The following WDR18 variants were observed in gnomAD, a reference collection of about 807,000 sequenced individuals.
WDR18 encodes WD repeat domain 18.
Under a neutral mutation model 49.6 loss-of-function variants are expected in WDR18, and 33 were observed. That is an observed-to-expected ratio of 0.67 (90% CI 0.50 to 0.89). WDR18 has a LOEUF of 0.89. Among genes scored for constraint, WDR18 ranks in the 40% least tolerant of loss-of-function variants. The pLI is 0.00. For synonymous variants in WDR18, 315 were observed against 263.6 expected (o/e 1.19, Z -1.89); for missense variants, 653 against 593.6 (o/e 1.10, Z -1.04).
chr19:993,871 C>T (rs564194274), intron 8 of WDR18, 149 bp from the exon 9 acceptor site: 2 of 859,152 alleles, frequency 2.3e-6, no homozygotes, highest in South Asian at 1.5e-5. Flanking sequence ...GAGGTGAACG[C>T]CCCCGTCTCA....
intron 1 of WDR18, among the ~76,000 whole-genome samples, 169 bp from the exon 2 acceptor site, chr19:985,696 G>A (rs915753458): frequency 6.6e-6 from 1 of 152,064 alleles, no homozygotes; most frequent in Non-Finnish European, 1.5e-5. Flanking sequence ...TTGCAGGGGC[G>A]AACACTTCCT....
Position 991,317 on chromosome 19 carries a change from G to C in WDR18, c.897G>C (p.Gln299His). 2.6e-6 allele frequency: 4 copies of C among 1,559,688 alleles called. No individual in the cohort carries two copies. The highest frequency in any genetic ancestry group is 3.4e-4 in the Middle Eastern group (2 of 5,968). ...HDETVRLWDV[Q>H]SKQCIRTVAL... ...AGACCGTGCGCCTCTGGGACGTGCA[G>C]AGCAAGCAGTGCATCCGGACGGTGG... The change falls in exon 7 of 10, where the codon CAG becomes CAC. Residue 299 changes from glutamine (Q) to histidine (H), a missense_variant. Transcript: ENST00000585809.
intron 8 of WDR18, among the ~76,000 whole-genome samples, chr19:992,738 G>C (rs1460221108): frequency 6.6e-6 from 1 of 152,194 alleles, no homozygotes; most frequent in African/African-American, 2.4e-5. Context: ...TGGCTGGGCT[G>C]GGCTGGGGTG....
intron 8 of WDR18, among the ~76,000 whole-genome samples, chr19:993,393 A>G (rs2038585786): frequency 6.6e-6 from 1 of 152,058 alleles, no homozygotes. Flanking sequence ...TAATGCCGCC[A>G]CCTTTCCCTA....
At chr19:984,112 C>G (rs1454983590), upstream of WDR18, among the ~76,000 whole-genome samples, 3 of 152,204 alleles carry the variant, frequency 2.0e-5, no homozygotes, top group South Asian at 2.1e-4. Flanking sequence ...ACTAACTGAT[C>G]GCCGGAGACC....
chr19:988,790 G>A (rs1018617981), intron 2 of WDR18, among the ~76,000 whole-genome samples: 12 of 152,104 alleles, frequency 7.9e-5, no homozygotes, highest in South Asian at 6.2e-4. Flanking sequence ...CACCACTGCC[G>A]CGTGGAGCCC....
intron 8 of WDR18, among the ~76,000 whole-genome samples, chr19:992,807 C>T (rs920724508): frequency 3.9e-5 from 6 of 152,242 alleles, no homozygotes; most frequent in Non-Finnish European, 5.9e-5. Context: ...CCTCACTCCC[C>T]GACCTTCGAT....
At chr19:984,304 T>C, upstream of WDR18, 2 of 1,489,136 alleles carry the variant, frequency 1.3e-6, no homozygotes, top group Non-Finnish European at 1.8e-6. Flanking sequence ...GGGGCAGTCG[T>C]CCGCGTCTCG....
At position 990,136 on chromosome 19, in the gene WDR18, G is replaced by T. The variant is rs963810723; in HGVS notation, c.456-87G>T. 2.8e-6 allele frequency: 4 copies of T among 1,452,156 alleles called. No individual in the cohort carries two copies. The African/African-American group carries it at 5.7e-5, about 21-fold the overall frequency. The allele number at this position is 1,452,156 out of a possible 1,614,324, so 90.0% of individuals were successfully genotyped here. A position where few individuals can be genotyped will look rare whatever the true frequency, so the allele number is the denominator to read the frequency against. The stretch of plus-strand genomic sequence containing the variant: ...AGGCCAGGCTGCTGAGTGGAGGCAG[G>T]TGTGTGCGTGAGGTGGGTGCTGGAG... On this transcript the variant is annotated intron_variant, in intron 3 of 9. Transcript: ENST00000585809.
rs2240150 is a variant in WDR18 at position 991,063 on chromosome 19, A to G, written c.742-18A>G. 4 of 1,602,026 alleles carry G rather than the reference A, an allele frequency of 2.5e-6. No homozygotes were observed. The highest frequency in any genetic ancestry group is 2.6e-6 in the Non-Finnish European group (3 of 1,173,808). ...AGGGCATCGGGCCTGCGGCTCACACACGTCTCGGCCTTCGCAGCCCGGACA... is the reference window on the plus strand; with the variant it reads ...AGGGCATCGGGCCTGCGGCTCACACGCGTCTCGGCCTTCGCAGCCCGGACA... On this transcript the variant is annotated intron_variant, in intron 5 of 9. Transcript: ENST00000585809.
In WDR18 at chr19:989,907, C is replaced by T. The variant is rs747332245; in HGVS notation, c.455+12C>T. ...TGGAGCCTCTGCAGGTAGCGCCTTGCGCACTCAGGCCTGCACCTGGAACTG... is the reference window on the plus strand; with the variant it reads ...TGGAGCCTCTGCAGGTAGCGCCTTGTGCACTCAGGCCTGCACCTGGAACTG... On this transcript the variant is annotated intron_variant, in intron 3 of 9. Transcript: ENST00000585809. 1.5e-5 allele frequency: 24 copies of T among 1,595,330 alleles called. No homozygotes were observed. Among genetic ancestry groups the T allele is most frequent in the East Asian group, 6.7e-5 (3 of 44,732 alleles).
At position 984,358 on chromosome 19, in the gene WDR18, C is replaced by T; in HGVS notation, c.5C>T (p.Ala2Val). M[A>V]APMEVAVCTD... ...CGGGGCGGTGGGGAAGGCAAGATGGCGGCGCCCATGGAGGTGGCCGTGTGT... is the reference window on the plus strand; with the variant it reads ...CGGGGCGGTGGGGAAGGCAAGATGGTGGCGCCCATGGAGGTGGCCGTGTGT... Residue 2 changes from alanine (A) to valine (V), a missense_variant, in exon 1 of 10, where the codon GCG becomes GTG. Transcript: ENST00000585809. 6.3e-7 allele frequency: 1 copy of T among 1,589,390 alleles called. No individual in the cohort carries two copies. Among genetic ancestry groups the T allele is most frequent in the Non-Finnish European group, 8.5e-7 (1 of 1,170,288 alleles).
At chr19:987,648 T>G (rs2038488068) in intron 2 of WDR18, among the ~76,000 whole-genome samples, 1 of 151,974 alleles carries the variant, frequency 6.6e-6, no homozygotes, top group Non-Finnish European at 1.5e-5. Context: ...GAGTCACCCC[T>G]AACAGTAGAC....
At chr19:993,369 G>A (rs2038585123) in intron 8 of WDR18, among the ~76,000 whole-genome samples, 1 of 152,208 alleles carries the variant, frequency 6.6e-6, no homozygotes, top group East Asian at 1.9e-4. Context: ...AGGGGGCCAG[G>A]CCATGCCCTC....
chr19:985,320 C>G (rs993637095), intron 1 of WDR18, among the ~76,000 whole-genome samples: 1 of 152,182 alleles, frequency 6.6e-6, no homozygotes, highest in African/African-American at 2.4e-5. Flanking sequence ...CCCGCACCAA[C>G]CACCACACCC....
Position 984,371 on chromosome 19 carries a change from G to T in WDR18, c.18G>T (p.Glu6Asp), listed in dbSNP as rs531751106. The T allele has an allele frequency of 1.5e-4, 240 of 1,595,444 alleles. 1 individual carries two copies. In the South Asian group the frequency reaches 2.6e-3, roughly 17 times the overall value. Residue 6 changes from glutamate (E) to aspartate (D), a missense_variant, in exon 1 of 10, where the codon GAG (glutamate) becomes GAT (aspartate). By Grantham distance (45) the Glu-to-Asp change is conservative. Coordinates refer to ENST00000585809, the MANE Select transcript of WDR18 (RefSeq NM_024100.4). MAAPM[E>D]VAVCTDSAAP... Reference sequence around the variant, plus strand: ...AAGGCAAGATGGCGGCGCCCATGGAGGTGGCCGTGTGTACGGACTCGGCGG... The same window carrying T: ...AAGGCAAGATGGCGGCGCCCATGGATGTGGCCGTGTGTACGGACTCGGCGG...
Position 989,425 on chromosome 19 carries a change from C to A in WDR18, c.322-337C>A, listed in dbSNP as rs141144214. Among the ~76,000 whole-genome samples the A allele has an allele frequency of 7.0e-4, 106 of 152,276 alleles. No individual in the cohort carries two copies. The Middle Eastern group carries it at 0.01, about 15-fold the overall frequency. The stretch of plus-strand genomic sequence containing the variant: ...CAGGTCCTGAGTGCAGCCGTTCCTA[C>A]GGGGCCCACACAGGACGCCTGGGGT... On this transcript the variant is annotated intron_variant, in intron 2 of 9. Transcript: ENST00000585809.
chr19:994,233 C>T lies in WDR18; in HGVS notation c.1188C>T (p.Asp396=), dbSNP rs540652831. 4.2e-5 allele frequency: 68 copies of T among 1,606,050 alleles called. No homozygotes were observed. The highest frequency in any genetic ancestry group is 3.7e-4 in the African/African-American group (28 of 74,912). The change falls in exon 10 of 10, where the codon GAC becomes GAT. Residue 396 remains aspartate, a synonymous_variant. Coordinates refer to ENST00000585809, the MANE Select transcript of WDR18 (RefSeq NM_024100.4). The part of the protein sequence containing the change: ...TMEKSVLGGQ[D]QLRVRVTELE... ...CGCAGAGCGTGCTCGGCGGCCAGGA[C>T]CAGCTGCGCGTCCGTGTGACGGAGC...
chr19:989,429 G>T (rs2038515569), intron 2 of WDR18, among the ~76,000 whole-genome samples: 1 of 152,182 alleles, frequency 6.6e-6, no homozygotes, highest in Non-Finnish European at 1.5e-5. Flanking sequence ...TTCCTACGGG[G>T]CCCACACAGG....
Sources: allele counts gnomAD v4.1 joint callset (sites outside exome capture counted in the v4.1 genomes callset), GRCh38; gene constraint gnomAD v4.1.1; transcripts MANE v1.5; gene names NCBI Gene and HGNC (gene_info 2026-07-23, HGNC 2026-07-21).